INTS9: variants seen among roughly 807,000 people sequenced by gnomAD.
INTS9 encodes protein related to CPSF subunits of 74 kDa.
Under a neutral mutation model 79.7 loss-of-function variants are expected in INTS9, and 55 were observed. The ratio of observed to expected loss-of-function variants is 0.69; its 90% CI spans 0.56 to 0.86. The LOEUF is 0.86. INTS9 is among the 40% of genes least tolerant of loss of function. The probability of loss-of-function intolerance (pLI) is 0.00; values close to 1 mark genes in which losing one functional copy is unlikely to be tolerated. For synonymous variants in INTS9, 319 were observed against 325.2 expected, an observed-to-expected ratio of 0.98 and a Z score of 0.20; for missense variants, 721 against 831.5, an observed-to-expected ratio of 0.87 and a Z score of 1.64.
intron 14 of INTS9, among the ~76,000 whole-genome samples, chr8:28,773,259 T>G (rs541271168): frequency 5.1e-4 from 78 of 152,142 alleles, no homozygotes; most frequent in Non-Finnish European, 9.1e-4. Flanking sequence ...GTCAGGAGAT[T>G]GAGACCATCC....
chr8:28,788,704 C>T (rs547708629), intron 10 of INTS9, among the ~76,000 whole-genome samples: 1 of 152,216 alleles, frequency 6.6e-6, no homozygotes, highest in Admixed American at 6.5e-5. Flanking sequence ...CAGGCGTGAG[C>T]CACTGTGCCT....
At position 28,859,489 on chromosome 8, in the gene INTS9, G is replaced by T. The variant is rs771777281; in HGVS notation, c.84C>A (p.Cys28Ter). 7 of 1,613,960 alleles carry T rather than the reference G, an allele frequency of 4.3e-6. No homozygotes were observed. Among genetic ancestry groups the T allele is most frequent in the African/African-American group, 1.3e-5 (1 of 74,908 alleles). The change falls in exon 2 of 17, where the codon TGC becomes TGA. Residue 28 changes from cysteine (C) to a stop codon, truncating the protein, a stop_gained. Coordinates refer to ENST00000521022, the MANE Select transcript of INTS9 (RefSeq NM_018250.4). LOFTEE classifies it high-confidence loss of function. The part of the protein sequence containing the change: ...KFKSTTIMLD[C>*]GLDMTSTLNF... ...TGAGGGTAGAAGTCATGTCCAGTCCGCAGTCCAACATAATGGTGGTTGATT... is the reference window on the plus strand; with the variant it reads ...TGAGGGTAGAAGTCATGTCCAGTCCTCAGTCCAACATAATGGTGGTTGATT...
chr8:28,769,769 A>T (rs1802418683), intron 16 of INTS9, 120 bp downstream of exon 16: 3 of 1,307,274 alleles, frequency 2.3e-6, no homozygotes, highest in African/African-American at 2.9e-5. Flanking sequence ...CAGATGCCAC[A>T]GGACAGTGGG....
At chr8:28,800,395 C>T (rs148856085) in intron 8 of INTS9, among the ~76,000 whole-genome samples, 61 of 152,004 alleles carry the variant, frequency 4.0e-4, no homozygotes, top group African/African-American at 1.3e-3. Context: ...TACTTTGGGC[C>T]GGAGAAAGGA....
At chr8:28,873,685 C>T (rs1376374746) in intron 1 of INTS9, among the ~76,000 whole-genome samples, 1 of 152,186 alleles carries the variant, frequency 6.6e-6, no homozygotes, top group African/African-American at 2.4e-5. Flanking sequence ...ATGCTTGAAG[C>T]TTATGCTAGT....
At chr8:28,859,324 G>A in intron 2 of INTS9, 112 bp downstream of exon 2, 1 of 1,221,988 alleles carries the variant, frequency 8.2e-7, no homozygotes, top group Non-Finnish European at 1.1e-6. Context: ...CATTTTTAAG[G>A]AAACAAAGCA....
intron 4 of INTS9, among the ~76,000 whole-genome samples, chr8:28,844,916 T>C (rs1807418223): frequency 6.6e-6 from 1 of 152,252 alleles, no homozygotes; most frequent in Non-Finnish European, 1.5e-5. Context: ...ATTCATGACA[T>C]GCCTAACGTT....
intron 1 of INTS9, among the ~76,000 whole-genome samples, chr8:28,870,831 AAGG>A (rs1403010001): frequency 1.3e-5 from 2 of 152,196 alleles, no homozygotes; most frequent in Non-Finnish European, 2.9e-5. Context: ...ACGTTTCAGC[AAGG>A]AGGAGAGCAT....
chr8:28,875,003 AAG>A (rs1232706507), intron 1 of INTS9, among the ~76,000 whole-genome samples: 2 of 152,172 alleles, frequency 1.3e-5, no homozygotes, highest in Non-Finnish European at 2.9e-5. Flanking sequence ...TCAGCAGGCA[AAG>A]AGAGAGCTTG....
At chr8:28,841,489 A>G (rs1369084858) in intron 4 of INTS9, among the ~76,000 whole-genome samples, 2 of 152,188 alleles carry the variant, frequency 1.3e-5, no homozygotes. Flanking sequence ...TAGAATTATA[A>G]AAAATAAAAA....
chr8:28,849,993 A>G (rs1487685815), intron 3 of INTS9: 13 of 402,072 alleles, frequency 3.2e-5, no homozygotes, highest in Non-Finnish European at 4.4e-5. Flanking sequence ...ATTTCTACAC[A>G]TGAGCAAAAT....
At chr8:28,838,575 C>T (rs1210029433) in intron 4 of INTS9, among the ~76,000 whole-genome samples, 1 of 152,214 alleles carries the variant, frequency 6.6e-6, no homozygotes, top group East Asian at 1.9e-4. Context: ...AAAGAAACCA[C>T]ATCTTCCTCA....
At chr8:28,842,938 A>C (rs140246265) in intron 4 of INTS9, among the ~76,000 whole-genome samples, 5 of 151,878 alleles carry the variant, frequency 3.3e-5, no homozygotes, top group Non-Finnish European at 5.9e-5. Flanking sequence ...GGTTCTTATG[A>C]CCTCCTGATC....
chr8:28,767,863 C>G lies in INTS9; in HGVS notation c.*283G>C, dbSNP rs893569228. 1 of 414,688 alleles carries G rather than the reference C, an allele frequency of 2.4e-6. No individual in the cohort carries two copies. Among genetic ancestry groups the G allele is most frequent in the African/African-American group, 2.0e-5 (1 of 49,508 alleles). 25.7% of individuals were successfully genotyped at this position (414,688 alleles called of 1,614,324 possible). On this transcript the variant is annotated 3_prime_UTR_variant, in exon 17 of 17. Coordinates refer to ENST00000521022, the MANE Select transcript of INTS9 (RefSeq NM_018250.4). Reference sequence around the variant, plus strand: ...CCAGTCACCTCCGCCTCCCATGAACCTCTTGGAAAACTTCTCCTGTCCCAC... The same window carrying G: ...CCAGTCACCTCCGCCTCCCATGAACGTCTTGGAAAACTTCTCCTGTCCCAC...
intron 1 of INTS9, among the ~76,000 whole-genome samples, chr8:28,886,431 A>G (rs369419046): frequency 6.6e-6 from 1 of 152,024 alleles, no homozygotes; most frequent in East Asian, 1.9e-4. Flanking sequence ...TATCTTTTGT[A>G]AAGACAGGTT....
chr8:28,793,422 T>C (rs2130952830), intron 10 of INTS9, among the ~76,000 whole-genome samples: 1 of 152,274 alleles, frequency 6.6e-6, no homozygotes, highest in South Asian at 2.1e-4. Flanking sequence ...AAAAATCTAG[T>C]TTTTCTTCTC....
At position 28,878,518 on chromosome 8, in the gene INTS9, G is replaced by T. The variant is rs187195776; in HGVS notation, c.9+11356C>A. Among the ~76,000 whole-genome samples the T allele has an allele frequency of 3.0e-3, 451 of 151,394 alleles. 3 individuals are homozygous for T. Among genetic ancestry groups the T allele is most frequent in the African/African-American group, 0.011 (438 of 41,312 alleles). ...TTGTTTTTTTGTAGAGACAGGGTCT[G>T]ACTGTGTTGCCCAGGCTGGACTCAA... On this transcript the variant is annotated intron_variant, in intron 1 of 16. Coordinates refer to ENST00000521022, the MANE Select transcript of INTS9 (RefSeq NM_018250.4).
chr8:28,841,223 C>T (rs560477373), intron 4 of INTS9, among the ~76,000 whole-genome samples: 1 of 152,200 alleles, frequency 6.6e-6, no homozygotes, highest in Non-Finnish European at 1.5e-5. Flanking sequence ...TGTGCACTGC[C>T]TTTGCAAGAC....
At chr8:28,793,579 CTAAGG>C in intron 10 of INTS9, 2 of 414,204 alleles carry the variant, frequency 4.8e-6, no homozygotes, top group Non-Finnish European at 8.6e-6. Context: ...AAGTGCTGGG[CTAAGG>C]TAAGTCTCTG....
Sources: gnomAD v4.1 joint callset for allele counts (sites outside exome capture counted in the v4.1 genomes callset) on GRCh38, gnomAD v4.1.1 for gene constraint, MANE v1.5 for transcripts, NCBI Gene and HGNC (gene_info 2026-07-23, HGNC 2026-07-21) for gene names.